The following ZBTB16 variants were observed in gnomAD, a reference collection of about 807,000 sequenced individuals.
ZBTB16 encodes the protein zinc finger and BTB domain-containing protein 16.
A neutral mutation model predicts 56.8 loss-of-function variants in ZBTB16; 8 were observed. That is an observed-to-expected ratio of 0.14 (90% CI 0.08 to 0.25). The LOEUF is 0.25. ZBTB16 is among the 10% of genes least tolerant of loss of function. The probability of loss-of-function intolerance (pLI) is 1.00; values close to 1 mark genes in which losing one functional copy is unlikely to be tolerated. For missense variants in ZBTB16, 625 were observed against 903.0 expected, an observed-to-expected ratio of 0.69 and a Z score of 3.95; for synonymous variants, 363 against 368.5, an observed-to-expected ratio of 0.98 and a Z score of 0.17.
intron 2 of ZBTB16, among the ~76,000 whole-genome samples, chr11:114,149,834 T>C (rs1942239818): frequency 6.6e-6 from 1 of 152,208 alleles, no homozygotes; most frequent in African/African-American, 2.4e-5. Context: ...ATTGCTTCTT[T>C]TTCTCCCCTG....
chr11:114,116,366 T>C (rs1941175566), intron 2 of ZBTB16, among the ~76,000 whole-genome samples: 2 of 152,340 alleles, frequency 1.3e-5, no homozygotes, highest in Admixed American at 1.3e-4. Context: ...TGAATCTAAC[T>C]GCATATTTGA....
At chr11:114,106,703 A>G (rs1201003729) in intron 2 of ZBTB16, among the ~76,000 whole-genome samples, 1 of 151,956 alleles carries the variant, frequency 6.6e-6, no homozygotes, top group African/African-American at 2.4e-5. Context: ...TAAACTCCTG[A>G]CCTCAAGTGA....
intron 2 of ZBTB16, among the ~76,000 whole-genome samples, chr11:114,084,653 G>A (rs1672714): frequency 0.18 from 27,227 of 152,068 alleles, 2,551 homozygotes; most frequent in Middle Eastern, 0.31. Context: ...CCCCCACTCC[G>A]TGCATCATCC....
chr11:114,123,211 C>A (rs1387332138), intron 2 of ZBTB16, among the ~76,000 whole-genome samples: 1 of 152,126 alleles, frequency 6.6e-6, no homozygotes. Context: ...AGCGCTTCAA[C>A]ATATTAATTG....
chr11:114,094,914 T>C (rs1940324553), intron 2 of ZBTB16, among the ~76,000 whole-genome samples: 1 of 152,250 alleles, frequency 6.6e-6, no homozygotes, highest in Non-Finnish European at 1.5e-5. Flanking sequence ...TCAACCAGCT[T>C]ATGTGCCCTG....
chr11:114,104,307 G>A (rs2137761696), intron 2 of ZBTB16, among the ~76,000 whole-genome samples: 1 of 152,276 alleles, frequency 6.6e-6, no homozygotes, highest in East Asian at 1.9e-4. Flanking sequence ...TAAATACCAA[G>A]CATGTGCGAG....
Position 114,186,949 on chromosome 11 carries a change from C to T in ZBTB16, c.1367-3C>T, listed in dbSNP as rs773729071. The T allele has an allele frequency of 1.9e-6, 3 of 1,613,928 alleles. No homozygotes were observed. The highest frequency in any genetic ancestry group is 1.3e-5 in the African/African-American group (1 of 74,916). On this transcript the variant is annotated splice_region_variant and splice_polypyrimidine_tract_variant and intron_variant, in intron 3 of 6. Coordinates refer to ENST00000335953, the MANE Select transcript of ZBTB16 (RefSeq NM_006006.6). ...AGTGGTAACTGCCTCTCCTTTCTTT[C>T]AGCGGGTGCCAAAGCCTTTGTCTGT...
intron 2 of ZBTB16, among the ~76,000 whole-genome samples, chr11:114,092,318 C>G (rs1005179984): frequency 6.6e-6 from 1 of 152,152 alleles, no homozygotes; most frequent in Admixed American, 6.6e-5. Flanking sequence ...GTGTGGGAGC[C>G]GCCTCTAGGA....
At chr11:114,191,795 C>T (rs144281466) in intron 4 of ZBTB16, among the ~76,000 whole-genome samples, 94 of 152,268 alleles carry the variant, frequency 6.2e-4, no homozygotes, top group Non-Finnish European at 1.1e-3. Context: ...TACACACACA[C>T]GCATACGTAG....
intron 4 of ZBTB16, among the ~76,000 whole-genome samples, chr11:114,193,558 T>C (rs1340416464): frequency 6.6e-6 from 1 of 152,220 alleles, no homozygotes; most frequent in East Asian, 1.9e-4. Flanking sequence ...CCTGCTGAAC[T>C]CAGGTGGATT....
chr11:114,069,232 C>T (rs563439783), intron 2 of ZBTB16, among the ~76,000 whole-genome samples: 25 of 152,312 alleles, frequency 1.6e-4, no homozygotes, highest in African/African-American at 6.0e-4. Flanking sequence ...ACTACAGGCA[C>T]CCGCCACCAC....
intron 4 of ZBTB16, among the ~76,000 whole-genome samples, chr11:114,202,564 G>A (rs746906826): frequency 2.6e-5 from 4 of 152,152 alleles, no homozygotes; most frequent in East Asian, 1.9e-4. Context: ...CAACTGTACC[G>A]TAAATAATGC....
At chr11:114,139,732 G>A (rs969795850) in intron 2 of ZBTB16, among the ~76,000 whole-genome samples, 7 of 151,200 alleles carry the variant, frequency 4.6e-5, no homozygotes, top group African/African-American at 9.7e-5. Flanking sequence ...ATCCAACTAC[G>A]GAGCAAGACA....
intron 2 of ZBTB16, among the ~76,000 whole-genome samples, chr11:114,133,559 G>C (rs1941720822): frequency 6.6e-6 from 1 of 152,202 alleles, no homozygotes; most frequent in South Asian, 2.1e-4. Flanking sequence ...TGAAGCCCTG[G>C]CACAGAGCAG....
chr11:114,222,530 C>T (rs968171439), intron 4 of ZBTB16, among the ~76,000 whole-genome samples: 7 of 152,106 alleles, frequency 4.6e-5, no homozygotes, highest in Non-Finnish European at 8.8e-5. Flanking sequence ...TCCCTGGGGG[C>T]TGCCTGTATT....
intron 2 of ZBTB16, among the ~76,000 whole-genome samples, chr11:114,140,789 C>T (rs887281458): frequency 3.3e-5 from 5 of 152,192 alleles, no homozygotes; most frequent in African/African-American, 7.2e-5. Flanking sequence ...ATAGCAATGT[C>T]CTGTAGATGT....
In ZBTB16 at chr11:114,238,401, A is replaced by G. The variant is rs1313866923; in HGVS notation, c.1454-3766A>G. 2.0e-5 allele frequency among the ~76,000 whole-genome samples: 3 copies of G among 151,746 alleles called. No homozygotes were observed. In the East Asian group the frequency reaches 5.9e-4, roughly 30 times the overall value. On this transcript the variant is annotated intron_variant, in intron 4 of 6. Transcript: ENST00000335953. The stretch of plus-strand genomic sequence containing the variant: ...TTTCTCACAGCTCTGGAGGCTGGGA[A>G]GTCTGTGATTGGGGTGCCAGCATGT...
chr11:114,108,643 G>T (rs1180115809), intron 2 of ZBTB16, among the ~76,000 whole-genome samples: 2 of 152,144 alleles, frequency 1.3e-5, no homozygotes, highest in Non-Finnish European at 2.9e-5. Flanking sequence ...GGGGGTGGCT[G>T]CCTGGGTTGA....
intron 2 of ZBTB16, among the ~76,000 whole-genome samples, chr11:114,146,583 A>G (rs1181077400): frequency 2.0e-5 from 3 of 152,148 alleles, no homozygotes; most frequent in African/African-American, 7.2e-5. Flanking sequence ...ACGGTGGCTC[A>G]TACTTGTAAT....
Sources: allele counts gnomAD v4.1 joint callset (sites outside exome capture counted in the v4.1 genomes callset), GRCh38; gene constraint gnomAD v4.1.1; transcripts MANE v1.5; gene names NCBI Gene and HGNC (gene_info 2026-07-23, HGNC 2026-07-21).